Variants in RYR2 observed in about 807,000 individuals in gnomAD.
RYR2 encodes the protein cardiac muscle ryanodine receptor-calcium release channel.
A neutral mutation model predicts 601.1 loss-of-function variants in RYR2; 227 were observed. The observed-to-expected ratio is 0.38, with a 90% CI of 0.34 to 0.42. RYR2 has a LOEUF of 0.42. RYR2 is among the 10% of genes least tolerant of loss of function. The pLI, the probability that RYR2 is intolerant of heterozygous loss-of-function variation, is 1.00. For synonymous variants in RYR2, 2,223 were observed against 2,175.1 expected (o/e 1.02, Z -0.61); for missense variants, 4,646 against 6,156.5 (o/e 0.75, Z 8.21).
At chr1:237,102,072 C>G (rs1473324141) in intron 1 of RYR2, among the ~76,000 whole-genome samples, 1 of 152,174 alleles carries the variant, frequency 6.6e-6, no homozygotes, top group Non-Finnish European at 1.5e-5. Context: ...TCATGGTAGA[C>G]TTTTGACTTC....
At chr1:237,744,138 G>A (rs896282057) in intron 80 of RYR2, among the ~76,000 whole-genome samples, 4 of 152,118 alleles carry the variant, frequency 2.6e-5, no homozygotes, top group African/African-American at 9.7e-5. Flanking sequence ...TTAAAGGGAA[G>A]AACTAGATGA....
intron 10 of RYR2, among the ~76,000 whole-genome samples, chr1:237,403,514 C>T (rs1703576344): frequency 6.6e-6 from 1 of 152,166 alleles, no homozygotes; most frequent in African/African-American, 2.4e-5. Context: ...AACCCCCTGG[C>T]CTCAAGCAAT....
intron 100 of RYR2, among the ~76,000 whole-genome samples, chr1:237,811,496 A>T (rs1025046672): frequency 6.6e-6 from 1 of 152,204 alleles, no homozygotes; most frequent in Non-Finnish European, 1.5e-5. Context: ...TTAGCTTTTC[A>T]ATATTAAGCA....
rs76039175 is a variant in RYR2 at position 237,518,742 on chromosome 1, A to G, written c.2822+6951A>G. 5.1e-4 allele frequency among the ~76,000 whole-genome samples: 78 copies of G among 152,276 alleles called. 1 individual carries two copies. The East Asian group carries it at 0.014, about 28-fold the overall frequency. On this transcript the variant is annotated intron_variant, in intron 24 of 104. Transcript: ENST00000366574. ...ACATGCAAGTGCAGATGTCTTTTTGATATATGGATTTCTTTTCCTTCGGGT... is the reference window on the plus strand; with the variant it reads ...ACATGCAAGTGCAGATGTCTTTTTGGTATATGGATTTCTTTTCCTTCGGGT...
At chr1:237,723,882 A>T (rs755116961) in intron 74 of RYR2, among the ~76,000 whole-genome samples, 2 of 152,076 alleles carry the variant, frequency 1.3e-5, no homozygotes, top group African/African-American at 2.4e-5. Context: ...TTGCACAAGA[A>T]TGTGTAAAAC....
intron 1 of RYR2, among the ~76,000 whole-genome samples, chr1:237,248,632 C>T (rs765887203): frequency 2.0e-5 from 3 of 151,908 alleles, no homozygotes; most frequent in Admixed American, 1.3e-4. Flanking sequence ...AGGAAGGAAC[C>T]CATTTTTATG....
intron 1 of RYR2, among the ~76,000 whole-genome samples, chr1:237,191,154 T>C (rs1168809530): frequency 6.6e-6 from 1 of 152,204 alleles, no homozygotes; most frequent in Non-Finnish European, 1.5e-5. Context: ...CCCAGCACCA[T>C]TTTGTTGAAG....
rs563629045 is a variant in RYR2 at position 237,246,823 on chromosome 1, G to C, written c.49-23674G>C. ...CTCAGAAATAAGATTTGTTTCTGAT[G>C]ATTTATTTTTGGATGATTTGATTCC... On this transcript the variant is annotated intron_variant, in intron 1 of 104. Transcript: ENST00000366574. Among the ~76,000 whole-genome samples, 11 of 152,160 alleles carry C rather than the reference G, an allele frequency of 7.2e-5. No homozygotes were observed. In the East Asian group the frequency reaches 2.1e-3, roughly 29 times the overall value.
At chr1:237,148,585 C>CATAT (rs140372872) in intron 1 of RYR2, among the ~76,000 whole-genome samples, 21 of 136,596 alleles carry the variant, frequency 1.5e-4, no homozygotes, top group Admixed American at 2.2e-4. Flanking sequence ...TATACACACA[C>CATAT]ATATATATAT....
chr1:237,616,967 A>C (rs981097850), intron 37 of RYR2, among the ~76,000 whole-genome samples: 3 of 152,050 alleles, frequency 2.0e-5, no homozygotes, highest in African/African-American at 7.2e-5. Flanking sequence ...GGGGGAAGAC[A>C]CCCTCATGAT....
At chr1:237,044,175 G>A (rs1477379075) in intron 1 of RYR2, among the ~76,000 whole-genome samples, 1 of 78,478 alleles carries the variant, frequency 1.3e-5, no homozygotes, top group Non-Finnish European at 2.6e-5. Flanking sequence ...ATAGAAAATA[G>A]ACTATAAGGG....
At chr1:237,804,770 A>AAAAC (rs1287444528) in intron 98 of RYR2, among the ~76,000 whole-genome samples, 40 of 152,366 alleles carry the variant, frequency 2.6e-4, no homozygotes, top group Admixed American at 2.4e-3. Context: ...CTTGGTTAAT[A>AAAAC]AAACACTTCA....
intron 1 of RYR2, among the ~76,000 whole-genome samples, chr1:237,082,689 G>C (rs1665872068): frequency 6.6e-6 from 1 of 151,694 alleles, no homozygotes; most frequent in Admixed American, 6.6e-5. Context: ...TGGGCTGAGT[G>C]CTTGTTAGTT....
At chr1:237,315,988 G>A (rs901907474) in intron 2 of RYR2, among the ~76,000 whole-genome samples, 3 of 152,024 alleles carry the variant, frequency 2.0e-5, no homozygotes, top group African/African-American at 7.2e-5. Context: ...AGTCTAATTT[G>A]GTGGTAATAA....
chr1:237,437,933 AG>A (rs1390536212), intron 12 of RYR2, among the ~76,000 whole-genome samples: 1 of 152,166 alleles, frequency 6.6e-6, no homozygotes, highest in Non-Finnish European at 1.5e-5. Context: ...TAAATGTAGG[AG>A]GCATAGGAAT....
At position 237,395,533 on chromosome 1, in the gene RYR2, C is replaced by CTTTTTTTTTTT. The variant is rs71180022; in HGVS notation, c.773+7371_773+7381dup. ...AGGACACGTCCGCTAGTAGGACTGTCTTTTTTTTTTTTTTTTTTTTTTTTT... is the reference window on the plus strand; with the variant it reads ...AGGACACGTCCGCTAGTAGGACTGTCTTTTTTTTTTTTTTTTTTTTTTTTTTTTTTTTTTTT... On this transcript the variant is annotated intron_variant, in intron 10 of 104. Transcript: ENST00000366574. Among the ~76,000 whole-genome samples the CTTTTTTTTTTT allele has an allele frequency of 1.2e-3, 107 of 87,416 alleles. 4 individuals carry two copies. The highest frequency in any genetic ancestry group is 1.8e-3 in the Non-Finnish European group (83 of 46,728). 57.3% of individuals were successfully genotyped at this position (87,416 alleles called of 152,430 possible). A position where few individuals can be genotyped will look rare whatever the true frequency, so the allele number is the denominator to read the frequency against.
chr1:237,342,947 G>A (rs543115442), intron 3 of RYR2, among the ~76,000 whole-genome samples: 10 of 152,150 alleles, frequency 6.6e-5, no homozygotes, highest in Non-Finnish European at 1.5e-4. Flanking sequence ...TGTGGCCCAC[G>A]CCTGTAATGC....
At chr1:237,705,377 T>C in intron 67 of RYR2, 34 bp downstream of exon 67, 1 of 1,566,818 alleles carries the variant, frequency 6.4e-7, no homozygotes, top group Non-Finnish European at 8.7e-7. Flanking sequence ...CTTTGAGATA[T>C]GAAGCTAAAA....
chr1:237,512,096 G>A (rs1047401474), intron 24 of RYR2, among the ~76,000 whole-genome samples: 1 of 152,124 alleles, frequency 6.6e-6, no homozygotes, highest in Non-Finnish European at 1.5e-5. Context: ...CACAGAATGT[G>A]GGCTGTGGAC....
Sources: gnomAD v4.1 joint callset for allele counts (sites outside exome capture counted in the v4.1 genomes callset) on GRCh38, gnomAD v4.1.1 for gene constraint, MANE v1.5 for transcripts, NCBI Gene and HGNC (gene_info 2026-07-23, HGNC 2026-07-21) for gene names.